HSP90AA1: variants seen among roughly 807,000 people sequenced by gnomAD.
The protein encoded by HSP90AA1 is heat shock protein 90 alpha family class A member 1.
In HSP90AA1, 18 loss-of-function variants were observed where a neutral mutation model predicts 73.3. The ratio of observed to expected loss-of-function variants is 0.25; its 90% CI spans 0.17 to 0.36. The LOEUF is 0.36. Among genes scored for constraint, HSP90AA1 ranks in the 10% least tolerant of loss-of-function variants. The pLI, the probability that HSP90AA1 is intolerant of heterozygous loss-of-function variation, is 1.00. For missense variants in HSP90AA1, 704 were observed against 874.2 expected, an observed-to-expected ratio of 0.81 and a Z score of 2.45; for synonymous variants, 477 against 296.9, an observed-to-expected ratio of 1.61 and a Z score of -6.24.
chr14:102,091,683 G>A (rs1031633528), upstream of HSP90AA1, among the ~76,000 whole-genome samples: 2 of 151,982 alleles, frequency 1.3e-5, no homozygotes, highest in Admixed American at 1.3e-4. Flanking sequence ...CTGGAGCACA[G>A]TGGCACAAAC....
At chr14:102,085,167 A>T in intron 4 of HSP90AA1, 131 bp downstream of exon 4, 1 of 1,422,312 alleles carries the variant, frequency 7.0e-7, no homozygotes, top group Middle Eastern at 1.8e-4. Context: ...GAACTTTTAC[A>T]GAGTTAGGTA....
chr14:102,112,910 T>A (rs983050490), intron 1 of HSP90AA1, among the ~76,000 whole-genome samples: 1 of 152,256 alleles, frequency 6.6e-6, no homozygotes, highest in Non-Finnish European at 1.5e-5. Flanking sequence ...ATAGATGCAA[T>A]ATCTATTTAA....
At chr14:102,096,123 C>G (rs1028458593) in intron 2 of HSP90AA1, among the ~76,000 whole-genome samples, 1 of 152,226 alleles carries the variant, frequency 6.6e-6, no homozygotes, top group Non-Finnish European at 1.5e-5. Context: ...CACAACCCAC[C>G]TGAGTTCCCC....
At chr14:102,134,441 G>A (rs944278428) in intron 1 of HSP90AA1, among the ~76,000 whole-genome samples, 5 of 152,096 alleles carry the variant, frequency 3.3e-5, no homozygotes, top group Non-Finnish European at 7.4e-5. Flanking sequence ...GGAATTGGTG[G>A]GTTCTTGGTC....
chr14:102,130,138 T>G (rs1334852682), intron 1 of HSP90AA1, among the ~76,000 whole-genome samples: 3 of 151,930 alleles, frequency 2.0e-5, no homozygotes, highest in Non-Finnish European at 4.4e-5. Flanking sequence ...ACCTGGCTAA[T>G]TTTTGTATTT....
intron 1 of HSP90AA1, among the ~76,000 whole-genome samples, chr14:102,125,122 G>C (rs1455391809): frequency 6.6e-6 from 1 of 152,108 alleles, no homozygotes; most frequent in Non-Finnish European, 1.5e-5. Context: ...CTCCCAAGTA[G>C]CTGGGACTAT....
At chr14:102,087,419 G>C (rs2049273514), upstream of HSP90AA1, among the ~76,000 whole-genome samples, 1 of 151,708 alleles carries the variant, frequency 6.6e-6, no homozygotes, top group African/African-American at 2.4e-5. Context: ...GCCCGGGCGT[G>C]GGGGCCTTTG....
chr14:102,084,835 T>G lies in HSP90AA1; in HGVS notation c.827A>C (p.Lys276Thr), dbSNP rs779384064. ...GTACTTTTCCTTAATCTTCTTCTTC[T>G]TCTTCTTGTCACCATCCTTCTTTTC... is the stretch of plus-strand genomic sequence containing the variant. ...EEEKKDGDKK[K>T]KKKIKEKYID... The change falls in exon 5 of 11, where the codon AAG becomes ACG. Residue 276 changes from lysine to threonine, a missense_variant. Physicochemically the swap from Lys to Thr is moderately conservative, Grantham distance 78. Coordinates refer to ENST00000216281, the MANE Select transcript of HSP90AA1 (RefSeq NM_005348.4). 15 of 1,604,364 alleles carry G rather than the reference T, an allele frequency of 9.3e-6. No homozygotes were observed. The highest frequency in any genetic ancestry group is 1.1e-5 in the Non-Finnish European group (13 of 1,171,108).
intron 1 of HSP90AA1, among the ~76,000 whole-genome samples, chr14:102,135,936 G>C (rs1208740774): frequency 6.6e-6 from 1 of 152,190 alleles, no homozygotes; most frequent in East Asian, 1.9e-4. Flanking sequence ...CTCCAGCCTT[G>C]GCCAGCCCAG....
chr14:102,085,689 AG>A, intron 3 of HSP90AA1, 68 bp downstream of exon 3: 1 of 1,601,488 alleles, frequency 6.2e-7, no homozygotes, highest in Non-Finnish European at 8.6e-7. Context: ...CCGCATCCCC[AG>A]GGGTCCAAGG....
At position 102,081,604 on chromosome 14, in the gene HSP90AA1, CCATA is replaced by C; in HGVS notation, c.*104_*107del. The C allele has an allele frequency of 1.4e-6, 1 of 726,408 alleles. No individual in the cohort carries two copies. The highest frequency in any genetic ancestry group is 2.5e-6 in the Non-Finnish European group (1 of 393,110). The allele number at this position is 726,408 out of a possible 1,614,324, so 45.0% of individuals were successfully genotyped here. Reference sequence around the variant, plus strand: ...TCTTCCCCTTAAAGTAGTTGTCATGCCATACAGACTTTTTAATATTAACAAAAAT... The same window carrying C: ...TCTTCCCCTTAAAGTAGTTGTCATGCCAGACTTTTTAATATTAACAAAAAT... On this transcript the variant is annotated 3_prime_UTR_variant, in exon 11 of 11. Coordinates refer to ENST00000216281, the MANE Select transcript of HSP90AA1 (RefSeq NM_005348.4).
At chr14:102,100,922 T>C (rs1595668362) in intron 2 of HSP90AA1, among the ~76,000 whole-genome samples, 1 of 152,202 alleles carries the variant, frequency 6.6e-6, no homozygotes, top group Non-Finnish European at 1.5e-5. Flanking sequence ...AACTCTGACA[T>C]GGCGGGACGG....
At chr14:102,084,174 A>G in intron 6 of HSP90AA1, 191 bp from the exon 7 acceptor site, 1 of 685,844 alleles carries the variant, frequency 1.5e-6, no homozygotes, top group Non-Finnish European at 2.5e-6. Flanking sequence ...GGGGGGTTCA[A>G]GCTGTTTTCA....
chr14:102,118,695 T>C (rs1176320157), intron 1 of HSP90AA1, among the ~76,000 whole-genome samples: 2 of 152,126 alleles, frequency 1.3e-5, no homozygotes, highest in Non-Finnish European at 2.9e-5. Flanking sequence ...TTAGGTGTAT[T>C]TGAGTTTGTT....
intron 1 of HSP90AA1, among the ~76,000 whole-genome samples, chr14:102,106,467 CATG>C (rs1471840632): frequency 6.6e-6 from 1 of 150,930 alleles, no homozygotes; most frequent in Non-Finnish European, 1.5e-5. Flanking sequence ...CATGAATAAT[CATG>C]ATGAAGATGA....
intron 1 of HSP90AA1, among the ~76,000 whole-genome samples, chr14:102,120,130 G>A (rs1359076979): frequency 1.3e-5 from 2 of 152,174 alleles, no homozygotes; most frequent in East Asian, 3.9e-4. Flanking sequence ...TTGGGAGGCT[G>A]AAGCAGGAGG....
Position 102,082,441 on chromosome 14 carries a change from C to G in HSP90AA1, c.1759G>C (p.Val587Leu), listed in dbSNP as rs779711517. Residue 587 changes from valine (V) to leucine (L), a missense_variant, in exon 10 of 11, where the codon GTT (valine) becomes CTT (leucine). Transcript: ENST00000216281. ...DILEKKVEKV[V>L]VSNRLVTSPC... ...GATGTCACCAATCGGTTTGACACAA[C>G]CACCTGTAATCAAAAAGTGATGACT... 4.3e-6 allele frequency: 7 copies of G among 1,610,206 alleles called. No homozygotes were observed. In the South Asian group the frequency reaches 7.7e-5, roughly 18 times the overall value.
intron 1 of HSP90AA1, among the ~76,000 whole-genome samples, chr14:102,134,126 G>A (rs1005443250): frequency 5.5e-5 from 8 of 146,756 alleles, no homozygotes; most frequent in African/African-American, 2.0e-4. Context: ...ACTCCAGCCT[G>A]GGCAACAGAG....
chr14:102,106,270 T>A (rs753687900), intron 1 of HSP90AA1, among the ~76,000 whole-genome samples: 1 of 152,184 alleles, frequency 6.6e-6, no homozygotes, highest in Non-Finnish European at 1.5e-5. Context: ...AACTATTCAT[T>A]TACTCCTGGA....
Sources: gnomAD v4.1 joint callset for allele counts (sites outside exome capture counted in the v4.1 genomes callset) on GRCh38, gnomAD v4.1.1 for gene constraint, MANE v1.5 for transcripts, NCBI Gene and HGNC (gene_info 2026-07-23, HGNC 2026-07-21) for gene names.